Variants in PTPRN2 observed in about 807,000 individuals in gnomAD.
PTPRN2 encodes the protein receptor-type tyrosine-protein phosphatase N2.
In PTPRN2, 74 loss-of-function variants were observed where a neutral mutation model predicts 118.8. The ratio of observed to expected loss-of-function variants is 0.62; its 90% CI spans 0.52 to 0.76. PTPRN2 has a LOEUF of 0.76. Ranked by LOEUF, PTPRN2 falls within the 30% of genes least tolerant of loss-of-function variation. The pLI is 0.00. For missense variants in PTPRN2, 1,481 were observed against 1,394.4 expected (o/e 1.06, Z -0.99); for synonymous variants, 641 against 608.0 (o/e 1.05, Z -0.80).
Position 157,722,494 on chromosome 7 carries a change from A to G in PTPRN2, c.1789-39557T>C, listed in dbSNP as rs1278513667. Among the ~76,000 whole-genome samples the G allele has an allele frequency of 3.9e-5, 6 of 152,314 alleles. No individual in the cohort carries two copies. The East Asian group carries it at 9.7e-4, about 25-fold the overall frequency. ...GGTGCGTGGCTCCCGTGGGTGGTGCAGACGAGCAGTGAATGAAGATGAAGC... is the reference window on the plus strand; with the variant it reads ...GGTGCGTGGCTCCCGTGGGTGGTGCGGACGAGCAGTGAATGAAGATGAAGC... On this transcript the variant is annotated intron_variant, in intron 12 of 22. Coordinates refer to ENST00000389418, the MANE Select transcript of PTPRN2 (RefSeq NM_002847.5).
At chr7:157,786,734 C>T (rs577065233) in intron 12 of PTPRN2, among the ~76,000 whole-genome samples, 14 of 152,384 alleles carry the variant, frequency 9.2e-5, no homozygotes, top group East Asian at 5.8e-4. Flanking sequence ...CATGTGGCAG[C>T]GGTAACATTT....
chr7:157,886,616 A>C (rs561009568), intron 12 of PTPRN2, among the ~76,000 whole-genome samples: 168 of 152,372 alleles, frequency 1.1e-3, no homozygotes, highest in Non-Finnish European at 1.0e-3. Flanking sequence ...ATGTTGTTTC[A>C]TGATGAACTC....
At chr7:158,036,844 A>G (rs1381511631) in intron 11 of PTPRN2, among the ~76,000 whole-genome samples, 1 of 152,232 alleles carries the variant, frequency 6.6e-6, no homozygotes, top group African/African-American at 2.4e-5. Context: ...TGCTTGGGAT[A>G]GATAATGAAG....
At chr7:158,008,991 T>C (rs1233658717) in intron 11 of PTPRN2, among the ~76,000 whole-genome samples, 1 of 152,174 alleles carries the variant, frequency 6.6e-6, no homozygotes, top group African/African-American at 2.4e-5. Context: ...TCTTCCTGCC[T>C]CTAGCTCCCC....
intron 3 of PTPRN2, among the ~76,000 whole-genome samples, chr7:158,277,983 T>C (rs1472412350): frequency 6.6e-6 from 1 of 152,104 alleles, no homozygotes; most frequent in African/African-American, 2.4e-5. Context: ...GCTCCTGACC[T>C]CCCTGACCTC....
At chr7:158,359,381 C>T (rs1052504083) in intron 2 of PTPRN2, among the ~76,000 whole-genome samples, 15 of 152,092 alleles carry the variant, frequency 9.9e-5, no homozygotes, top group African/African-American at 2.7e-4. Flanking sequence ...GGTCATTTGG[C>T]GAGGCCAACA....
At chr7:158,506,873 C>T (rs1171711241) in intron 1 of PTPRN2, among the ~76,000 whole-genome samples, 1 of 152,198 alleles carries the variant, frequency 6.6e-6, no homozygotes, top group Non-Finnish European at 1.5e-5. Context: ...AGCAGGATGG[C>T]AGGTGCATGG....
chr7:157,742,187 C>T (rs1162696033), intron 12 of PTPRN2, among the ~76,000 whole-genome samples: 3 of 152,274 alleles, frequency 2.0e-5, no homozygotes, highest in Non-Finnish European at 2.9e-5. Flanking sequence ...TCAAAAGGGC[C>T]AAAGTTATCG....
chr7:158,523,625 GTCA>G (rs1473168845), intron 1 of PTPRN2, among the ~76,000 whole-genome samples: 8 of 140,066 alleles, frequency 5.7e-5, no homozygotes, highest in East Asian at 2.2e-4. Context: ...CTGGAGTGGA[GTCA>G]TCTGCCCTGG....
chr7:158,187,351 T>G (rs565170550), intron 5 of PTPRN2, among the ~76,000 whole-genome samples: 1 of 152,352 alleles, frequency 6.6e-6, no homozygotes, highest in African/African-American at 2.4e-5. Flanking sequence ...ATTTATAAAA[T>G]AATTCACAGG....
At chr7:157,984,678 G>T (rs1156415555) in intron 11 of PTPRN2, among the ~76,000 whole-genome samples, 1 of 152,098 alleles carries the variant, frequency 6.6e-6, no homozygotes, top group Non-Finnish European at 1.5e-5. Context: ...CAGCAGCCAC[G>T]AGCTGACCAC....
intron 11 of PTPRN2, among the ~76,000 whole-genome samples, chr7:158,074,183 T>C (rs1262152654): frequency 6.6e-6 from 1 of 152,098 alleles, no homozygotes; most frequent in Non-Finnish European, 1.5e-5. Context: ...CAAAACCCCC[T>C]CCTGCACATC....
intron 5 of PTPRN2, among the ~76,000 whole-genome samples, chr7:158,190,909 G>T (rs187299178): frequency 6.6e-6 from 1 of 152,246 alleles, no homozygotes; most frequent in Admixed American, 6.5e-5. Flanking sequence ...AGCTGCCCTC[G>T]GAAAGGCTCC....
At chr7:158,313,238 CAA>C (rs1802019654) in intron 3 of PTPRN2, among the ~76,000 whole-genome samples, 1 of 152,194 alleles carries the variant, frequency 6.6e-6, no homozygotes, top group African/African-American at 2.4e-5. Context: ...CCCTGGCAAC[CAA>C]AGAGGCCTCC....
Position 158,546,433 on chromosome 7 carries a change from A to G in PTPRN2, c.112+41125T>C, listed in dbSNP as rs1033379572. On this transcript the variant is annotated intron_variant, in intron 1 of 22. Transcript: ENST00000389418. This position sits in a 1 kb window ranked among gnomAD's most constrained non-coding sequence, Gnocchi z 5.0. ...GCACCACAGCCCGGAATGGTGCTGG[A>G]ATCACAGCCGCCGGGTTAAGGGGCT... Among the ~76,000 whole-genome samples, 8 of 152,332 alleles carry G rather than the reference A, an allele frequency of 5.3e-5. No homozygotes were observed. The highest frequency in any genetic ancestry group is 1.9e-4 in the African/African-American group (8 of 41,588).
intron 11 of PTPRN2, among the ~76,000 whole-genome samples, chr7:158,078,614 A>G (rs1200659316): frequency 3.3e-5 from 5 of 151,780 alleles, no homozygotes; most frequent in African/African-American, 1.2e-4. Flanking sequence ...CGTGCTAAGC[A>G]CTCTCCCAAG....
At chr7:158,164,864 T>C (rs1049216839) in intron 6 of PTPRN2, among the ~76,000 whole-genome samples, 1 of 152,092 alleles carries the variant, frequency 6.6e-6, no homozygotes, top group Non-Finnish European at 1.5e-5. Flanking sequence ...GATGAGAAGC[T>C]GAAGGTCACC....
intron 1 of PTPRN2, among the ~76,000 whole-genome samples, chr7:158,535,697 TACACA>T: frequency 6.6e-6 from 1 of 151,790 alleles, no homozygotes; most frequent in East Asian, 1.9e-4. Context: ...GTCAACTGTG[TACACA>T]ACACAAAGCA....
At chr7:157,682,672 G>A (rs1796968503) in intron 13 of PTPRN2, 53 bp downstream of exon 13, 1 of 1,517,178 alleles carries the variant, frequency 6.6e-7, no homozygotes, top group Non-Finnish European at 9.1e-7. Flanking sequence ...GCCATCATCT[G>A]CCTGTTCAAC....
Sources: gnomAD v4.1 joint callset for allele counts (sites outside exome capture counted in the v4.1 genomes callset) on GRCh38, gnomAD v4.1.1 for gene constraint, Gnocchi (gnomAD v3.1) non-coding constraint, MANE v1.5 for transcripts, NCBI Gene and HGNC (gene_info 2026-07-23, HGNC 2026-07-21) for gene names.